The following RPL35 variants were observed in gnomAD, a reference collection of about 807,000 sequenced individuals.
The protein encoded by RPL35 is ribosomal protein L35, also known as large ribosomal subunit protein uL29.
A neutral mutation model predicts 15.6 loss-of-function variants in RPL35; 2 were observed. The observed-to-expected ratio is 0.13, with a 90% CI of 0.05 to 0.40. RPL35 has a LOEUF of 0.40. Among genes scored for constraint, RPL35 ranks in the 10% least tolerant of loss-of-function variants. The pLI, the probability that RPL35 is intolerant of heterozygous loss-of-function variation, is 0.99. For synonymous variants in RPL35, 93 were observed against 67.9 expected (o/e 1.37, Z -1.82); for missense variants, 111 against 164.7 (o/e 0.67, Z 1.79).
At chr9:124,860,406 G>A in intron 2 of RPL35, 142 bp from the exon 3 acceptor site, 1 of 704,764 alleles carries the variant, frequency 1.4e-6, no homozygotes, top group Non-Finnish European at 2.6e-6. Context: ...TTCTGGGAGT[G>A]AGGTCTGAGG....
rs748425140 is a variant in RPL35, at chr9:124,861,937, C to T, written c.-25G>A. The T allele has an allele frequency of 5.6e-6, 9 of 1,598,282 alleles. No individual in the cohort carries two copies. Among genetic ancestry groups the T allele is most frequent in the South Asian group, 2.2e-5 (2 of 89,092 alleles). On this transcript the variant is annotated 5_prime_UTR_variant, in exon 1 of 4. Transcript: ENST00000348462. ...TTGCTGCACAAGCCGCCAACGCCGC[C>T]GCCCGCTCCGAGGGAAAGAGGAAGT...
chr9:124,861,564 A>T lies in RPL35; in HGVS notation c.4-9T>A. ...CGAGCCTTGATCTTGGCCTGCGCGC[A>T]AGAGAGAGTGTGCCTCAGCCAGGCC... On this transcript the variant is annotated splice_polypyrimidine_tract_variant and intron_variant, in intron 1 of 3. Coordinates refer to ENST00000348462, the MANE Select transcript of RPL35 (RefSeq NM_007209.4). 1 of 1,613,382 alleles carries T rather than the reference A, an allele frequency of 6.2e-7. No homozygotes were observed.
At chr9:124,861,624 C>A in intron 1 of RPL35, 69 bp from the exon 2 acceptor site, 2 of 1,570,318 alleles carry the variant, frequency 1.3e-6, no homozygotes, top group Non-Finnish European at 1.7e-6. Flanking sequence ...CGTGGCCAGC[C>A]CCCAAAGGCG....
At position 124,861,560 on chromosome 9, in the gene RPL35, G is replaced by A; in HGVS notation, c.4-5C>T. The A allele has an allele frequency of 6.2e-7, 1 of 1,613,448 alleles. No homozygotes were observed. Among genetic ancestry groups the A allele is most frequent in the Non-Finnish European group, 8.5e-7 (1 of 1,179,852 alleles). ...ATCTCGAGCCTTGATCTTGGCCTGC[G>A]CGCAAGAGAGAGTGTGCCTCAGCCA... On this transcript the variant is annotated splice_polypyrimidine_tract_variant and splice_region_variant and intron_variant, in intron 1 of 3. Transcript: ENST00000348462.
intron 3 of RPL35, chr9:124,858,286 G>C (rs1214890339): frequency 3.2e-6 from 2 of 617,274 alleles, no homozygotes; most frequent in Non-Finnish European, 5.9e-6. Context: ...CTACTGGGCT[G>C]AGTGTCCAAG....
In RPL35 at chr9:124,860,273, C is replaced by G. The variant is rs774928697; in HGVS notation, c.141-9G>C. 4 of 1,609,950 alleles carry G rather than the reference C, an allele frequency of 2.5e-6. No individual in the cohort carries two copies. In the Admixed American group the frequency reaches 5.0e-5, roughly 20 times the overall value. On this transcript the variant is annotated splice_polypyrimidine_tract_variant and intron_variant, in intron 2 of 3. Transcript: ENST00000348462. ...ATTTCCGGACGACTCGGCTACAAAACAGAGATGTCAGTGAAGATAGGGAAG... is the reference window on the plus strand; with the variant it reads ...ATTTCCGGACGACTCGGCTACAAAAGAGAGATGTCAGTGAAGATAGGGAAG...
At chr9:124,858,607 G>C (rs914043134) in intron 3 of RPL35, 3 of 680,436 alleles carry the variant, frequency 4.4e-6, no homozygotes, top group Admixed American at 2.1e-5. Flanking sequence ...CCGGCTTTGG[G>C]GCCCCTGCCC....
chr9:124,861,149 CAA>C, intron 2 of RPL35: 1 of 437,942 alleles, frequency 2.3e-6, no homozygotes. Flanking sequence ...GTTAAAAACT[CAA>C]GTGTTGGTGG....
intron 1 of RPL35, 92 bp downstream of exon 1, chr9:124,861,818 G>A: frequency 6.6e-7 from 1 of 1,519,782 alleles, no homozygotes; most frequent in African/African-American, 1.4e-5. Flanking sequence ...AGGCCTAGGT[G>A]GCAGATAGAA....
rs200817885 is a variant in RPL35 at position 124,858,010 on chromosome 9, G to C, written c.280C>G (p.Arg94Gly). ...RPKKTRAMRR[R>G]LNKHEENLKT... ...AGGTTCTCCTCGTGCTTGTTGAGCC[G>C]GCGGCGCATGGCACGTGTCTTCTTA... The change falls in exon 4 of 4, where the codon CGG (arginine) becomes GGG (glycine). Residue 94 changes from arginine (R) to glycine (G), a missense_variant. Arg to Gly is a moderately radical substitution (Grantham distance 125). Coordinates refer to ENST00000348462, the MANE Select transcript of RPL35 (RefSeq NM_007209.4). The C allele has an allele frequency of 1.2e-6, 2 of 1,612,300 alleles. No individual in the cohort carries two copies. Among genetic ancestry groups the C allele is most frequent in the Admixed American group, 3.3e-5 (2 of 60,016 alleles).
intron 3 of RPL35, 133 bp from the exon 4 acceptor site, chr9:124,858,200 AC>A: frequency 1.4e-6 from 1 of 691,942 alleles, no homozygotes; most frequent in Non-Finnish European, 2.2e-6. Flanking sequence ...AGCAGGCCAC[AC>A]ATGTCACTAA....
chr9:124,859,822 C>A (rs1395477355), intron 3 of RPL35, among the ~76,000 whole-genome samples: 6 of 152,142 alleles, frequency 3.9e-5, no homozygotes, highest in African/African-American at 1.4e-4. Flanking sequence ...GAAAAATGAG[C>A]ATGGCAGGTG....
chr9:124,861,271 G>A, intron 2 of RPL35, 148 bp downstream of exon 2: 3 of 983,990 alleles, frequency 3.0e-6, no homozygotes, highest in African/African-American at 3.3e-5. Context: ...AAGAGGCTAA[G>A]CACACAACGG....
chr9:124,861,617 G>A (rs1564309010), intron 1 of RPL35, 62 bp from the exon 2 acceptor site: 1 of 1,584,804 alleles, frequency 6.3e-7, no homozygotes, highest in Non-Finnish European at 8.6e-7. Context: ...TCACCTGCGT[G>A]GCCAGCCCCC....
chr9:124,858,098 G>T (rs1386358312), intron 3 of RPL35, 31 bp from the exon 4 acceptor site: 1 of 1,606,396 alleles, frequency 6.2e-7, no homozygotes. Flanking sequence ...TGAATCCAAG[G>T]ACCCAGGGCT....
At chr9:124,859,916 C>T (rs181734266) in intron 3 of RPL35, among the ~76,000 whole-genome samples, 2 of 152,296 alleles carry the variant, frequency 1.3e-5, no homozygotes, top group East Asian at 1.9e-4. Context: ...AGCCACTCAA[C>T]TGGGAAGGCT....
chr9:124,860,409 G>C, intron 2 of RPL35, 145 bp from the exon 3 acceptor site: 1 of 706,334 alleles, frequency 1.4e-6, no homozygotes, highest in Non-Finnish European at 2.6e-6. Flanking sequence ...TGGGAGTGAG[G>C]TCTGAGGAGG....
chr9:124,858,851 G>T (rs1829152305), intron 3 of RPL35, among the ~76,000 whole-genome samples: 1 of 152,222 alleles, frequency 6.6e-6, no homozygotes, highest in South Asian at 2.1e-4. Flanking sequence ...GACTGAACAG[G>T]TAACAAGTGG....
rs934172018 is a variant in RPL35 at position 124,858,030 on chromosome 9, T to G, written c.260A>C (p.Lys87Thr). 6.2e-7 allele frequency: 1 copy of G among 1,612,532 alleles called. No individual in the cohort carries two copies. Among genetic ancestry groups the G allele is most frequent in the Non-Finnish European group, 8.5e-7 (1 of 1,180,012 alleles). The change falls in exon 4 of 4, where the codon AAG becomes ACG. Residue 87 changes from lysine to threonine, a missense_variant. By Grantham distance (78) the Lys-to-Thr change is moderately conservative. Coordinates refer to ENST00000348462, the MANE Select transcript of RPL35 (RefSeq NM_007209.4). ...GAGCCGGCGGCGCATGGCACGTGTCTTCTTAGGCCGCAGGTCCAGGGGCTT... is the reference window on the plus strand; with the variant it reads ...GAGCCGGCGGCGCATGGCACGTGTCGTCTTAGGCCGCAGGTCCAGGGGCTT... ...KYKPLDLRPK[K>T]TRAMRRRLNK...
Sources: allele counts gnomAD v4.1 joint callset (sites outside exome capture counted in the v4.1 genomes callset), GRCh38; gene constraint gnomAD v4.1.1; transcripts MANE v1.5; gene names NCBI Gene and HGNC (gene_info 2026-07-23, HGNC 2026-07-21).